Variants in WHRN observed in about 807,000 individuals in gnomAD.
The protein encoded by WHRN is whirlin.
Under a neutral mutation model 68.3 loss-of-function variants are expected in WHRN, and 41 were observed. The ratio of observed to expected loss-of-function variants is 0.60; its 90% CI spans 0.47 to 0.78. WHRN has a LOEUF of 0.78. WHRN is among the 30% of genes least tolerant of loss of function. The pLI is 0.00. For missense variants in WHRN, 1,243 were observed against 1,244.7 expected, an observed-to-expected ratio of 1.00 and a Z score of 0.02; for synonymous variants, 560 against 561.3, an observed-to-expected ratio of 1.00 and a Z score of 0.03.
chr9:114,419,108 C>G (rs1836050841), intron 7 of WHRN, among the ~76,000 whole-genome samples: 1 of 152,188 alleles, frequency 6.6e-6, no homozygotes, highest in Non-Finnish European at 1.5e-5. Flanking sequence ...GGAAGAATCA[C>G]AGCCAGATGG....
rs148103230 is a variant in WHRN at position 114,425,586 on chromosome 9, GACACACACACACACAC to G, written c.1167-578_1167-563del. The G allele has an allele frequency of 1.9e-4, 30 of 154,106 alleles. 1 individual carries two copies. Among genetic ancestry groups the G allele is most frequent in the Middle Eastern group, 6.1e-3 (2 of 330 alleles). The allele number at this position is 154,106 out of a possible 1,614,324, so 9.5% of individuals were successfully genotyped here. A position where few individuals can be genotyped will look rare whatever the true frequency, so the allele number is the denominator to read the frequency against. ...GCAGGTGAAAGGAAGGGAAGGGGGA[GACACACACACACACAC>G]ACACACACACACACACACACACACA... On this transcript the variant is annotated intron_variant, in intron 4 of 11. Coordinates refer to ENST00000362057, the MANE Select transcript of WHRN (RefSeq NM_015404.4).
intron 3 of WHRN, among the ~76,000 whole-genome samples, chr9:114,447,704 G>A (rs905342110): frequency 5.9e-5 from 9 of 152,132 alleles, no homozygotes; most frequent in Admixed American, 5.9e-4. Context: ...AGGCCACAAG[G>A]ACTCCACCTT....
chr9:114,457,561 T>C (rs754376838), intron 3 of WHRN, among the ~76,000 whole-genome samples: 8 of 152,086 alleles, frequency 5.3e-5, no homozygotes, highest in Non-Finnish European at 1.2e-4. Flanking sequence ...AAATCACCCT[T>C]AGAACATTAC....
intron 1 of WHRN, among the ~76,000 whole-genome samples, chr9:114,486,941 T>C (rs1226746999): frequency 5.5e-4 from 3 of 5,422 alleles, no homozygotes; most frequent in Non-Finnish European, 3.3e-3. Context: ...TGTGTGTGTG[T>C]TGTGTGTGTG....
At chr9:114,471,145 A>G (rs1265746375) in intron 2 of WHRN, among the ~76,000 whole-genome samples, 1 of 152,234 alleles carries the variant, frequency 6.6e-6, no homozygotes, top group East Asian at 1.9e-4. Flanking sequence ...TCTATGGGAA[A>G]GCAAATGACA....
intron 3 of WHRN, among the ~76,000 whole-genome samples, chr9:114,461,059 G>A (rs1168121681): frequency 6.6e-6 from 1 of 152,208 alleles, no homozygotes; most frequent in East Asian, 1.9e-4. Context: ...GGGGATTGAA[G>A]ATAGAAAGGA....
At chr9:114,472,943 G>C (rs1487259764) in intron 2 of WHRN, among the ~76,000 whole-genome samples, 4 of 152,204 alleles carry the variant, frequency 2.6e-5, no homozygotes, top group Admixed American at 6.5e-5. Flanking sequence ...GCTTGCCCAA[G>C]GTCACACAGT....
At position 114,402,795 on chromosome 9, in the gene WHRN, A is replaced by C; in HGVS notation, c.2683T>G (p.Tyr895Asp). The C allele has an allele frequency of 1.2e-6, 2 of 1,614,076 alleles. No homozygotes were observed. The highest frequency in any genetic ancestry group is 1.1e-5 in the South Asian group (1 of 91,090). Residue 895 changes from tyrosine to aspartate, a missense_variant, in exon 12 of 12, where the codon TAC becomes GAC. Physicochemically the swap from Tyr to Asp is radical, Grantham distance 160 (BLOSUM62 -3). Transcript: ENST00000362057. Reference protein sequence around the residue: ...AEAFKTKDRDYIDFLVTEFNV... With the variant: ...AEAFKTKDRDDIDFLVTEFNV... ...AACTCAGTGACCAGAAAGTCAATGTAGTCACGGTCCTTAGTCTTGAAGGCC... is the reference window on the plus strand; with the variant it reads ...AACTCAGTGACCAGAAAGTCAATGTCGTCACGGTCCTTAGTCTTGAAGGCC...
In WHRN at chr9:114,403,091, G is replaced by A. The variant is rs1834786445; in HGVS notation, c.2541+126C>T. The A allele has an allele frequency of 3.2e-6, 5 of 1,545,342 alleles. No individual in the cohort carries two copies. In the African/African-American group the frequency reaches 4.1e-5, roughly 13 times the overall value. On this transcript the variant is annotated intron_variant, in intron 11 of 11. Coordinates refer to ENST00000362057, the MANE Select transcript of WHRN (RefSeq NM_015404.4). ...AAAGCTGAGGCCCGGAAGAGCAAAG[G>A]TGACATAAGCCTAGGTCTGCCCTTG...
intron 1 of WHRN, among the ~76,000 whole-genome samples, chr9:114,494,112 G>C (rs1368875556): frequency 1.3e-5 from 2 of 152,244 alleles, no homozygotes; most frequent in Admixed American, 6.5e-5. Context: ...GGGGGGTATG[G>C]TGAAGTGTCA....
At chr9:114,411,696 T>C (rs1448876170) in intron 7 of WHRN, among the ~76,000 whole-genome samples, 2 of 152,108 alleles carry the variant, frequency 1.3e-5, no homozygotes, top group Admixed American at 1.3e-4. Context: ...GTGTTTTACT[T>C]ATATTATCTC....
At chr9:114,421,266 T>C (rs1300367748) in intron 7 of WHRN, among the ~76,000 whole-genome samples, 5 of 152,230 alleles carry the variant, frequency 3.3e-5, no homozygotes, top group African/African-American at 1.2e-4. Context: ...CCCCAGATGG[T>C]GCTTCTCAGG....
chr9:114,431,647 T>A (rs888690379), intron 3 of WHRN, among the ~76,000 whole-genome samples: 29 of 152,168 alleles, frequency 1.9e-4, no homozygotes, highest in Admixed American at 9.2e-4. Flanking sequence ...TTAAAGATCT[T>A]ACTCTCACTC....
Position 114,504,899 on chromosome 9 carries a change from C to G in WHRN, c.-98G>C. 7.6e-7 allele frequency: 1 copy of G among 1,321,296 alleles called. No homozygotes were observed. The highest frequency in any genetic ancestry group is 9.6e-7 in the Non-Finnish European group (1 of 1,042,698). 81.8% of individuals were successfully genotyped at this position (1,321,296 alleles called of 1,614,324 possible). On this transcript the variant is annotated 5_prime_UTR_variant, in exon 1 of 12. Transcript: ENST00000362057. Reference sequence around the variant, plus strand: ...CGCGACAGCTGGATCCCCGGGAGCGCGGAGACGACGGCTGGAGCCTGGGTT... The same window carrying G: ...CGCGACAGCTGGATCCCCGGGAGCGGGGAGACGACGGCTGGAGCCTGGGTT...
chr9:114,486,429 A>G (rs746803035), intron 1 of WHRN, among the ~76,000 whole-genome samples: 4 of 152,194 alleles, frequency 2.6e-5, no homozygotes, highest in Non-Finnish European at 5.9e-5. Context: ...CTACAAGACA[A>G]GTTCCTTGAG....
chr9:114,466,146 G>A, intron 3 of WHRN, 121 bp downstream of exon 3: 1 of 1,477,220 alleles, frequency 6.8e-7, no homozygotes, highest in South Asian at 1.1e-5. Context: ...AGCCAGGGAG[G>A]GCTCCCCAGC....
intron 7 of WHRN, 21 bp downstream of exon 7, chr9:114,423,293 G>C (rs1836482315): frequency 1.2e-6 from 2 of 1,613,348 alleles, no homozygotes; most frequent in Admixed American, 1.7e-5. Context: ...CTAAGCCAGG[G>C]ACAAGGCAGA....
intron 3 of WHRN, among the ~76,000 whole-genome samples, chr9:114,446,280 C>G (rs1260732870): frequency 6.6e-6 from 1 of 152,020 alleles, no homozygotes; most frequent in Non-Finnish European, 1.5e-5. Flanking sequence ...ATATGAAATG[C>G]CCAAAATAGG....
chr9:114,503,925 CA>C (rs1336900930), intron 1 of WHRN, among the ~76,000 whole-genome samples: 1 of 152,212 alleles, frequency 6.6e-6, no homozygotes, highest in African/African-American at 2.4e-5. Context: ...CACATTTGCT[CA>C]AGTATTTGTT....
Sources: gnomAD v4.1 joint callset for allele counts (sites outside exome capture counted in the v4.1 genomes callset) on GRCh38, gnomAD v4.1.1 for gene constraint, MANE v1.5 for transcripts, NCBI Gene and HGNC (gene_info 2026-07-23, HGNC 2026-07-21) for gene names.